CTC1: variants seen among roughly 807,000 people sequenced by gnomAD.
CTC1 encodes the protein CST complex subunit CTC1.
In CTC1, 91 loss-of-function variants were observed where a neutral mutation model predicts 136.3. That is an observed-to-expected ratio of 0.67 (90% CI 0.56 to 0.79). The LOEUF (loss-of-function observed/expected upper bound fraction) is 0.79. Ranked by LOEUF, CTC1 falls within the 30% of genes least tolerant of loss-of-function variation. The probability of loss-of-function intolerance (pLI) is 0.00; values close to 1 mark genes in which losing one functional copy is unlikely to be tolerated. For missense variants in CTC1, 1,432 were observed against 1,498.1 expected, an observed-to-expected ratio of 0.96 and a Z score of 0.73; for synonymous variants, 606 against 613.8, an observed-to-expected ratio of 0.99 and a Z score of 0.19.
chr17:8,233,870 G>A (rs1452808484), intron 10 of CTC1, among the ~76,000 whole-genome samples: 5 of 151,880 alleles, frequency 3.3e-5, no homozygotes, highest in South Asian at 2.1e-4. Flanking sequence ...CTGGGAGGTC[G>A]AGACTGCAAT....
chr17:8,232,525 G>A (rs1400551196), intron 11 of CTC1, 50 bp from the exon 12 acceptor site: 7 of 1,495,008 alleles, frequency 4.7e-6, no homozygotes, highest in Non-Finnish European at 6.5e-6. Context: ...CCTGTGGGGT[G>A]GGTTGCAAGG....
Position 8,236,076 on chromosome 17 carries a change from A to G in CTC1, c.1059T>C (p.Ser353=), listed in dbSNP as rs764463625. 38 of 1,613,842 alleles carry G rather than the reference A, an allele frequency of 2.4e-5. No homozygotes were observed. The highest frequency in any genetic ancestry group is 3.1e-5 in the Non-Finnish European group (37 of 1,179,860). ...TGCTCACCGAATAGGATAGGAGTCT[A>G]GAATACCGGACAAGACTTTCTGGAT... ...KKDPESLVRY[S]RLLSYSGAVT... Residue 353 remains serine (S), a synonymous_variant, in exon 6 of 23, where the codon TCT becomes TCC. Transcript: ENST00000651323.
At chr17:8,239,513 A>G (rs996461457) in intron 2 of CTC1, among the ~76,000 whole-genome samples, 4 of 151,234 alleles carry the variant, frequency 2.6e-5, no homozygotes, top group African/African-American at 9.7e-5. Context: ...TCTCGCTTGC[A>G]TTCCCCTGAA....
At chr17:8,230,233 T>G (rs1164254960) in intron 17 of CTC1, 61 bp downstream of exon 17, 2 of 1,515,480 alleles carry the variant, frequency 1.3e-6, no homozygotes, top group African/African-American at 1.4e-5. Flanking sequence ...TAAGCAGGGG[T>G]GCACATTCCA....
Position 8,231,931 on chromosome 17 carries a change from G to C in CTC1, c.2357C>G (p.Pro786Arg), listed in dbSNP as rs758892298. ...KEGTGWGLPE[P>R]QGNDDNDQKV... Reference sequence around the variant, plus strand: ...CTGATCATTGTCGTCATTTCCCTGGGGCTCGGGCAGCCCCCATCCAGTACC... The same window carrying C: ...CTGATCATTGTCGTCATTTCCCTGGCGCTCGGGCAGCCCCCATCCAGTACC... Residue 786 changes from proline (P) to arginine (R), a missense_variant, in exon 13 of 23, where the codon CCC becomes CGC. Pro to Arg is a moderately radical substitution (Grantham distance 103). Coordinates refer to ENST00000651323, the MANE Select transcript of CTC1 (RefSeq NM_025099.6). The C allele has an allele frequency of 1.2e-6, 2 of 1,613,226 alleles. No homozygotes were observed. The highest frequency in any genetic ancestry group is 3.3e-5 in the Admixed American group (2 of 59,930).
intron 5 of CTC1, among the ~76,000 whole-genome samples, chr17:8,236,772 A>C (rs1987764592): frequency 6.6e-6 from 1 of 152,214 alleles, no homozygotes; most frequent in Non-Finnish European, 1.5e-5. Context: ...TATATTTTTA[A>C]AATTTCTATA....
intron 1 of CTC1, chr17:8,247,655 C>G (rs971102289): frequency 6.4e-5 from 15 of 233,520 alleles, no homozygotes; most frequent in Non-Finnish European, 1.1e-4. Context: ...GTCTCAGACG[C>G]TTTTACTTAT....
chr17:8,237,883 C>T (rs1987880476), intron 4 of CTC1, 148 bp downstream of exon 4: 1 of 674,026 alleles, frequency 1.5e-6, no homozygotes, highest in Non-Finnish European at 2.5e-6. Context: ...TTCTCTTTAC[C>T]TTCTTAATAT....
Position 8,235,903 on chromosome 17 carries a change from C to G in CTC1, c.1134G>C (p.Gln378His). 5 of 1,613,926 alleles carry G rather than the reference C, an allele frequency of 3.1e-6. No homozygotes were observed. In the East Asian group the frequency reaches 8.9e-5, roughly 29 times the overall value. The change falls in exon 7 of 23, where the codon CAG becomes CAC. Residue 378 changes from glutamine (Q) to histidine (H), a missense_variant. By Grantham distance (24) the Gln-to-His change is conservative. Transcript: ENST00000651323. ...EPAGLYELDG[Q>H]LGLCLAYQQF... ...GCTGGTAGGCAAGGCAGAGCCCCAG[C>G]TGCCCATCCAGCTCATAGAGGCCAG... is the stretch of plus-strand genomic sequence containing the variant.
chr17:8,238,225 A>G lies in CTC1; in HGVS notation c.453T>C (p.Leu151=), dbSNP rs1347409551. 6.2e-7 allele frequency: 1 copy of G among 1,609,332 alleles called. No homozygotes were observed. Among genetic ancestry groups the G allele is most frequent in the Admixed American group, 1.7e-5 (1 of 59,866 alleles). Residue 151 remains leucine (L), a synonymous_variant, in exon 4 of 23, where the codon CTT becomes CTC. Coordinates refer to ENST00000651323, the MANE Select transcript of CTC1 (RefSeq NM_025099.6). Reference sequence around the variant, plus strand: ...ACAGAAAAAGATGGCCCAACCAAGAAAGGTCCAGGTCTATGAGCTAAGAAA... The same window carrying G: ...ACAGAAAAAGATGGCCCAACCAAGAGAGGTCCAGGTCTATGAGCTAAGAAA... The part of the protein sequence containing the change: ...VLSCELIDLD[L]SWLGHLFLFP...
intron 1 of CTC1, among the ~76,000 whole-genome samples, chr17:8,245,121 G>A (rs1988568631): frequency 6.6e-6 from 1 of 152,062 alleles, no homozygotes; most frequent in South Asian, 2.1e-4. Context: ...AACACAAAGA[G>A]GGAAATAACA....
In CTC1 at chr17:8,234,691, C is replaced by T. The variant is rs772518388; in HGVS notation, c.1618-36G>A. The T allele has an allele frequency of 8.1e-5, 128 of 1,587,512 alleles. 3 individuals are homozygous for T. The South Asian group carries it at 1.5e-3, about 18-fold the overall frequency. ...GGGAAGAGAAATCGGGTGTGTGTCC[C>T]ATGGGCCCCAGGTGTCCTCCAGTGT... On this transcript the variant is annotated intron_variant, in intron 9 of 22. Transcript: ENST00000651323.
At chr17:8,247,961 C>A (rs1239877295) in intron 1 of CTC1, 43 bp downstream of exon 1, 3 of 1,593,160 alleles carry the variant, frequency 1.9e-6, no homozygotes, top group Non-Finnish European at 2.6e-6. Context: ...GTATCTGTGA[C>A]AAACAAGAAA....
At chr17:8,229,809 G>A in intron 18 of CTC1, 82 bp downstream of exon 18, 1 of 1,205,990 alleles carries the variant, frequency 8.3e-7, no homozygotes, top group Non-Finnish European at 1.2e-6. Flanking sequence ...CTGTAATGAT[G>A]GCAAAATCTT....
chr17:8,226,451 A>C lies in CTC1; in HGVS notation c.*1729T>G, dbSNP rs1171301657. 1 of 152,210 alleles carries C rather than the reference A, an allele frequency of 6.6e-6. No individual in the cohort carries two copies. Among genetic ancestry groups the C allele is most frequent in the Non-Finnish European group, 1.5e-5 (1 of 68,034 alleles). 9.4% of individuals were successfully genotyped at this position (152,210 alleles called of 1,614,324 possible). A position where few individuals can be genotyped will look rare whatever the true frequency, so the allele number is the denominator to read the frequency against. On this transcript the variant is annotated 3_prime_UTR_variant, in exon 23 of 23. Transcript: ENST00000651323. ...CTTGTCCATTCCTCGGATTTCCTTC[A>C]ATGTCCAAAGACGTTAATCATAGAT...
chr17:8,248,015 C>A lies in CTC1; in HGVS notation c.22G>T (p.Val8Phe). 1 of 1,531,072 alleles carries A rather than the reference C, an allele frequency of 6.5e-7. No individual in the cohort carries two copies. The highest frequency in any genetic ancestry group is 8.9e-7 in the Non-Finnish European group (1 of 1,127,486). 94.8% of individuals were successfully genotyped at this position (1,531,072 alleles called of 1,614,324 possible). A position where few individuals can be genotyped will look rare whatever the true frequency, so the allele number is the denominator to read the frequency against. Residue 8 changes from valine to phenylalanine, a missense_variant, in exon 1 of 23, where the codon GTC becomes TTC. Val to Phe is a conservative substitution (Grantham distance 50). Transcript: ENST00000651323. ...ATAGCAGCACTCACGGAGGAAGGGA[C>A]CTGGGCCCGGCCAGCCGCCATGATG... Reference protein sequence around the residue: MAAGRAQVPSSEQAWLED... With the variant: MAAGRAQFPSSEQAWLED...
At chr17:8,239,599 C>T (rs1277643226) in intron 2 of CTC1, among the ~76,000 whole-genome samples, 4 of 150,954 alleles carry the variant, frequency 2.6e-5, no homozygotes, top group Non-Finnish European at 4.4e-5. Flanking sequence ...AAATCTGGAA[C>T]CCTCTCCAGA....
At chr17:8,231,880 G>C (rs1987260919) in intron 13 of CTC1, 23 bp downstream of exon 13, 1 of 1,613,510 alleles carries the variant, frequency 6.2e-7, no homozygotes, top group Non-Finnish European at 8.5e-7. Context: ...GTCAGGTCCT[G>C]GGTCCCTGGA....
chr17:8,235,399 T>A (rs555298807), intron 7 of CTC1, 114 bp from the exon 8 acceptor site: 3 of 764,730 alleles, frequency 3.9e-6, no homozygotes, highest in East Asian at 5.3e-5. Context: ...CGGAAAGCAA[T>A]TTCTCCCACG....
Sources: allele counts gnomAD v4.1 joint callset (sites outside exome capture counted in the v4.1 genomes callset), GRCh38; gene constraint gnomAD v4.1.1; transcripts MANE v1.5; gene names NCBI Gene and HGNC (gene_info 2026-07-23, HGNC 2026-07-21).